GALNTL6: variants seen among roughly 807,000 people sequenced by gnomAD.
GALNTL6 encodes polypeptide N-acetylgalactosaminyltransferase-like 6.
Under a neutral mutation model 73.7 loss-of-function variants are expected in GALNTL6, and 46 were observed. The observed-to-expected ratio is 0.62, with a 90% CI of 0.49 to 0.80. GALNTL6 has a LOEUF of 0.80. Ranked by LOEUF, GALNTL6 falls within the 30% of genes least tolerant of loss-of-function variation. GALNTL6 has a pLI of 0.00. For missense variants in GALNTL6, 604 were observed against 755.0 expected (o/e 0.80, Z 2.34); for synonymous variants, 259 against 263.7 (o/e 0.98, Z 0.17).
intron 5 of GALNTL6, among the ~76,000 whole-genome samples, chr4:172,711,202 T>C (rs1359315560): frequency 6.6e-6 from 1 of 152,144 alleles, no homozygotes; most frequent in Non-Finnish European, 1.5e-5. Flanking sequence ...AAGACCTAAT[T>C]GTTGTATGGT....
At chr4:172,721,308 G>A (rs969325466) in intron 5 of GALNTL6, among the ~76,000 whole-genome samples, 2 of 152,120 alleles carry the variant, frequency 1.3e-5, no homozygotes, top group African/African-American at 4.8e-5. Flanking sequence ...GAAAAGGCAA[G>A]GGTAAAGAGA....
chr4:172,905,945 C>T (rs1015536555), intron 8 of GALNTL6, among the ~76,000 whole-genome samples: 3 of 151,104 alleles, frequency 2.0e-5, no homozygotes, highest in African/African-American at 7.3e-5. Context: ...GATGGCAAAA[C>T]AGGGCCATGG....
chr4:171,895,384 T>C (rs1239022463), intron 2 of GALNTL6, among the ~76,000 whole-genome samples: 1 of 151,894 alleles, frequency 6.6e-6, no homozygotes, highest in Non-Finnish European at 1.5e-5. Context: ...TTTTCTGGAG[T>C]AGGGGGAGGG....
At chr4:172,135,830 C>T (rs1019033804) in intron 2 of GALNTL6, among the ~76,000 whole-genome samples, 1 of 151,988 alleles carries the variant, frequency 6.6e-6, no homozygotes. Context: ...TGATCAAGCA[C>T]CCTAAATATC....
chr4:172,617,095 G>A lies in GALNTL6; in HGVS notation c.554-192266G>A, dbSNP rs1003708158. 2.6e-5 allele frequency among the ~76,000 whole-genome samples: 4 copies of A among 151,810 alleles called. No homozygotes were observed. The South Asian group carries it at 8.3e-4, about 32-fold the overall frequency. ...CAGCCAAAAATAGACACATTTTCTG[G>A]ACGGCTTCTCCTGCATAAGTAGGTA... On this transcript the variant is annotated intron_variant, in intron 5 of 12. Transcript: ENST00000506823.
At chr4:172,561,077 C>A (rs1445004455) in intron 5 of GALNTL6, among the ~76,000 whole-genome samples, 1 of 151,388 alleles carries the variant, frequency 6.6e-6, no homozygotes, top group Non-Finnish European at 1.5e-5. Context: ...CAAGGTGAAA[C>A]CCCATCTCTA....
intron 10 of GALNTL6, among the ~76,000 whole-genome samples, chr4:172,977,196 G>A (rs894640345): frequency 2.0e-5 from 3 of 152,172 alleles, no homozygotes; most frequent in African/African-American, 7.2e-5. Context: ...AGGCCAGTGG[G>A]TTTGTTTGCC....
At position 172,411,779 on chromosome 4, in the gene GALNTL6, C is replaced by A. The variant is rs542323750; in HGVS notation, c.553+63090C>A. Among the ~76,000 whole-genome samples, 285 of 152,168 alleles carry A rather than the reference C, an allele frequency of 1.9e-3. 2 individuals carry two copies. Among genetic ancestry groups the A allele is most frequent in the African/African-American group, 6.7e-3 (278 of 41,528 alleles). On this transcript the variant is annotated intron_variant, in intron 5 of 12. Transcript: ENST00000506823. ...AAATTGAGAAAATGTATACAGCATT[C>A]ATTTATCCATGTAACATATACTTCT...
chr4:172,118,648 C>T (rs1357995574), intron 2 of GALNTL6, among the ~76,000 whole-genome samples: 7 of 150,788 alleles, frequency 4.6e-5, no homozygotes, highest in Admixed American at 6.6e-5. Context: ...TGCAGTGAGC[C>T]GAGATTGTGC....
At chr4:171,866,002 T>A (rs1194176185) in intron 2 of GALNTL6, among the ~76,000 whole-genome samples, 1 of 152,156 alleles carries the variant, frequency 6.6e-6, no homozygotes, top group Non-Finnish European at 1.5e-5. Flanking sequence ...AATTCTCTGT[T>A]AAATATAAAA....
At chr4:172,728,528 T>C (rs1462628914) in intron 5 of GALNTL6, among the ~76,000 whole-genome samples, 2 of 151,480 alleles carry the variant, frequency 1.3e-5, no homozygotes, top group East Asian at 1.9e-4. Flanking sequence ...ACATATACAA[T>C]GAAATATATA....
intron 5 of GALNTL6, chr4:172,545,623 G>A (rs921054091): frequency 2.0e-5 from 3 of 152,166 alleles, no homozygotes; most frequent in Non-Finnish European, 4.4e-5. Context: ...GTAATCATTT[G>A]CCCTCTGTTT....
At chr4:172,324,024 A>G (rs1740852602) in intron 4 of GALNTL6, among the ~76,000 whole-genome samples, 3 of 151,998 alleles carry the variant, frequency 2.0e-5, no homozygotes, top group African/African-American at 2.4e-5. Context: ...AACCATTTAG[A>G]CTATGAGCCA....
intron 5 of GALNTL6, among the ~76,000 whole-genome samples, chr4:172,429,716 T>C (rs891178752): frequency 6.6e-6 from 1 of 152,158 alleles, no homozygotes; most frequent in Non-Finnish European, 1.5e-5. Context: ...TTAGTCTTAC[T>C]TAGAAGAAGA....
intron 2 of GALNTL6, among the ~76,000 whole-genome samples, chr4:171,903,185 T>G (rs537475640): frequency 5.3e-5 from 8 of 152,206 alleles, no homozygotes; most frequent in African/African-American, 1.7e-4. Context: ...GCTCCCAGCG[T>G]GAGCGACACA....
chr4:172,717,596 A>G (rs1284697968), intron 5 of GALNTL6, among the ~76,000 whole-genome samples: 1 of 152,234 alleles, frequency 6.6e-6, no homozygotes, highest in Non-Finnish European at 1.5e-5. Flanking sequence ...AATGAAATAC[A>G]ATATACCAAC....
intron 5 of GALNTL6, among the ~76,000 whole-genome samples, chr4:172,471,232 A>T (rs1733036762): frequency 6.6e-6 from 1 of 152,148 alleles, no homozygotes; most frequent in South Asian, 2.1e-4. Context: ...TTTAATGTCA[A>T]CGCTAAGAAC....
chr4:171,841,220 A>T (rs953056896), intron 2 of GALNTL6, among the ~76,000 whole-genome samples: 4 of 152,194 alleles, frequency 2.6e-5, no homozygotes, highest in African/African-American at 9.7e-5. Flanking sequence ...ATAATGTAGC[A>T]TATGATTATC....
At chr4:172,296,950 A>C (rs1578923949) in intron 3 of GALNTL6, among the ~76,000 whole-genome samples, 2 of 152,184 alleles carry the variant, frequency 1.3e-5, no homozygotes, top group African/African-American at 4.8e-5. Flanking sequence ...TGACTTCCAC[A>C]GTGGTTGATC....
Sources: gnomAD v4.1 joint callset for allele counts (sites outside exome capture counted in the v4.1 genomes callset) on GRCh38, gnomAD v4.1.1 for gene constraint, MANE v1.5 for transcripts, NCBI Gene and HGNC (gene_info 2026-07-23, HGNC 2026-07-21) for gene names.